Variants in PTPRZ1 observed in about 807,000 individuals in gnomAD.
The protein encoded by PTPRZ1 is protein tyrosine phosphatase receptor type Z1.
In PTPRZ1, 82 loss-of-function variants were observed where a neutral mutation model predicts 214.1. That is an observed-to-expected ratio of 0.38 (90% CI 0.32 to 0.46). The LOEUF (loss-of-function observed/expected upper bound fraction) is 0.46. Ranked by LOEUF, PTPRZ1 falls within the 20% of genes least tolerant of loss-of-function variation. The pLI is 1.00. For synonymous variants in PTPRZ1, 945 were observed against 987.9 expected (o/e 0.96, Z 0.81); for missense variants, 2,603 against 2,748.7 (o/e 0.95, Z 1.19).
Position 122,011,657 on chromosome 7 carries a change from C to T in PTPRZ1, c.2611C>T (p.Pro871Ser). Reference protein sequence around the residue: ...PVAGGDLLLEPSLAQYSDVLS... With the variant: ...PVAGGDLLLESSLAQYSDVLS... Reference sequence around the variant, plus strand: ...GGCTGGGGGTGATTTGCTATTAGAGCCCAGCCTTGCTCAGTATTCTGATGT... The same window carrying T: ...GGCTGGGGGTGATTTGCTATTAGAGTCCAGCCTTGCTCAGTATTCTGATGT... The change falls in exon 12 of 30, where the codon CCC becomes TCC. Residue 871 changes from proline to serine, a missense_variant. Coordinates refer to ENST00000393386, the MANE Select transcript of PTPRZ1 (RefSeq NM_002851.3). The T allele has an allele frequency of 6.2e-7, 1 of 1,614,078 alleles. No individual in the cohort carries two copies. The highest frequency in any genetic ancestry group is 8.5e-7 in the Non-Finnish European group (1 of 1,180,022).
At chr7:122,003,062 G>A (rs1267576821) in intron 10 of PTPRZ1, among the ~76,000 whole-genome samples, 1 of 152,102 alleles carries the variant, frequency 6.6e-6, no homozygotes, top group Non-Finnish European at 1.5e-5. Context: ...AAATTCAAAT[G>A]TATTAATTTG....
chr7:121,988,196 TA>T (rs1277246249), intron 8 of PTPRZ1, among the ~76,000 whole-genome samples: 3 of 152,180 alleles, frequency 2.0e-5, no homozygotes, highest in Non-Finnish European at 2.9e-5. Flanking sequence ...AATACATAAA[TA>T]TTTTTTAAAA....
intron 1 of PTPRZ1, among the ~76,000 whole-genome samples, chr7:121,886,321 A>G (rs906154029): frequency 9.9e-5 from 15 of 152,108 alleles, no homozygotes; most frequent in Non-Finnish European, 1.5e-4. Context: ...TAATCCTCAC[A>G]GGTTCTTTAT....
chr7:122,034,060 T>G, intron 15 of PTPRZ1, 35 bp from the exon 16 acceptor site: 1 of 1,563,198 alleles, frequency 6.4e-7, no homozygotes, highest in Non-Finnish European at 8.8e-7. Flanking sequence ...TGGAATTTGA[T>G]TTCTTTACTT....
intron 1 of PTPRZ1, among the ~76,000 whole-genome samples, chr7:121,918,365 G>C (rs1409073328): frequency 1.3e-5 from 2 of 152,142 alleles, no homozygotes; most frequent in African/African-American, 2.4e-5. Flanking sequence ...CAGTGCATCT[G>C]ATCATCATGG....
intron 23 of PTPRZ1, among the ~76,000 whole-genome samples, chr7:122,047,395 T>G (rs1051287572): frequency 6.6e-6 from 1 of 152,068 alleles, no homozygotes; most frequent in East Asian, 1.9e-4. Flanking sequence ...ACATGAGAGC[T>G]TCTTTAAAAA....
At chr7:122,045,107 C>A (rs1799848100) in intron 23 of PTPRZ1, among the ~76,000 whole-genome samples, 1 of 152,124 alleles carries the variant, frequency 6.6e-6, no homozygotes, top group Non-Finnish European at 1.5e-5. Context: ...TTGTACTTCC[C>A]ACAATACCAG....
chr7:122,051,520 T>C lies in PTPRZ1; in HGVS notation c.6177T>C (p.Pro2059=), dbSNP rs762144287. 2.5e-6 allele frequency: 4 copies of C among 1,611,032 alleles called. No homozygotes were observed. The Admixed American group carries it at 5.0e-5, about 20-fold the overall frequency. ...REKNRTSSII[P]VERSRVGISS... Reference sequence around the variant, plus strand: ...AGAATCGAACTTCTTCTATCATCCCTGGTAAGTTGTGTTGATCCTTGAAAA... The same window carrying C: ...AGAATCGAACTTCTTCTATCATCCCCGGTAAGTTGTGTTGATCCTTGAAAA... Residue 2059 remains proline, a splice_region_variant and synonymous_variant, in exon 24 of 30, where the codon CCT becomes CCC. Coordinates refer to ENST00000393386, the MANE Select transcript of PTPRZ1 (RefSeq NM_002851.3).
intron 1 of PTPRZ1, among the ~76,000 whole-genome samples, chr7:121,890,264 A>T (rs1794547894): frequency 6.6e-6 from 1 of 152,274 alleles, no homozygotes; most frequent in Non-Finnish European, 1.5e-5. Context: ...TCCTACTTCC[A>T]CTGTCTTCTT....
intron 2 of PTPRZ1, among the ~76,000 whole-genome samples, chr7:121,967,538 C>A (rs182201367): frequency 1.3e-5 from 2 of 152,268 alleles, no homozygotes; most frequent in African/African-American, 4.8e-5. Flanking sequence ...GACAATTAAG[C>A]TTTTTGTTGA....
chr7:121,888,801 A>C (rs1794485927), intron 1 of PTPRZ1, among the ~76,000 whole-genome samples: 1 of 152,150 alleles, frequency 6.6e-6, no homozygotes, highest in African/African-American at 2.4e-5. Flanking sequence ...GAGACACTAA[A>C]AAACAGACTA....
rs1229951995 is a variant in PTPRZ1 at position 122,000,663 on chromosome 7, ATATATATATATATATATATAT to A, written c.1240+2658_1240+2678del. On this transcript the variant is annotated intron_variant, in intron 10 of 29. Transcript: ENST00000393386. Reference sequence around the variant, plus strand: ...ATAGATTTCATATATATATATATATATATATATATATATATATATATATATATATATATATATATTTGAGGT... The same window carrying A: ...ATAGATTTCATATATATATATATATAATATATATATATATATATTTGAGGT... 3.6e-3 allele frequency among the ~76,000 whole-genome samples: 106 copies of A among 29,614 alleles called. 2 individuals are homozygous for A. Among genetic ancestry groups the A allele is most frequent in the Non-Finnish European group, 6.8e-3 (93 of 13,744 alleles). The allele number at this position is 29,614 out of a possible 152,430, so 19.4% of individuals were successfully genotyped here.
intron 2 of PTPRZ1, among the ~76,000 whole-genome samples, chr7:121,928,488 C>G (rs545435231): frequency 6.6e-6 from 1 of 152,206 alleles, no homozygotes; most frequent in East Asian, 1.9e-4. Context: ...CAAGAAATAA[C>G]ATAACCTGGG....
At chr7:121,969,423 A>C (rs1412233850) in intron 3 of PTPRZ1, among the ~76,000 whole-genome samples, 1 of 151,908 alleles carries the variant, frequency 6.6e-6, no homozygotes, top group Non-Finnish European at 1.5e-5. Context: ...TTAGCCAGGC[A>C]TGGTGGTGCA....
intron 1 of PTPRZ1, among the ~76,000 whole-genome samples, chr7:121,890,167 A>G (rs2116209427): frequency 6.6e-6 from 1 of 152,298 alleles, no homozygotes; most frequent in East Asian, 1.9e-4. Flanking sequence ...CCAGTGTCAT[A>G]TATTCAACTA....
In PTPRZ1 at chr7:122,008,995, G is replaced by A. The variant is rs569957083; in HGVS notation, c.1288-1339G>A. On this transcript the variant is annotated intron_variant, in intron 11 of 29. Transcript: ENST00000393386. ...AATTATTTGGGAAAATCTCTCAGGT[G>A]GTCCTTGTGAACAAGGTATCACACA... Among the ~76,000 whole-genome samples, 7 of 152,088 alleles carry A rather than the reference G, an allele frequency of 4.6e-5. No individual in the cohort carries two copies. In the East Asian group the frequency reaches 1.2e-3, roughly 25 times the overall value.
intron 23 of PTPRZ1, among the ~76,000 whole-genome samples, chr7:122,051,027 T>G (rs1792163532): frequency 6.6e-6 from 1 of 151,880 alleles, no homozygotes. Context: ...TGTAATGGAG[T>G]AGTAACAGAA....
chr7:121,922,955 A>T (rs1795643991), intron 1 of PTPRZ1, among the ~76,000 whole-genome samples: 1 of 152,212 alleles, frequency 6.6e-6, no homozygotes, highest in South Asian at 2.1e-4. Flanking sequence ...CATTCAGTCA[A>T]CTCAGTAGAC....
At chr7:121,999,887 A>G (rs1584728186) in intron 10 of PTPRZ1, among the ~76,000 whole-genome samples, 1 of 152,112 alleles carries the variant, frequency 6.6e-6, no homozygotes, top group East Asian at 1.9e-4. Flanking sequence ...ACTAAATAAT[A>G]AATATTATTA....
Sources: allele counts gnomAD v4.1 joint callset (sites outside exome capture counted in the v4.1 genomes callset), GRCh38; gene constraint gnomAD v4.1.1; transcripts MANE v1.5; gene names NCBI Gene and HGNC (gene_info 2026-07-23, HGNC 2026-07-21).